The following PJA2 variants were observed in gnomAD, a reference collection of about 807,000 sequenced individuals.
The protein encoded by PJA2 is praja ring finger ubiquitin ligase 2.
PJA2 carries 25 observed loss-of-function variants against 69.3 expected under a neutral mutation model. The observed-to-expected ratio is 0.36, with a 90% confidence interval of 0.26 to 0.50. The LOEUF (loss-of-function observed/expected upper bound fraction) is 0.50. PJA2 is among the 20% of genes least tolerant of loss of function. PJA2 has a pLI of 0.96. For synonymous variants in PJA2, 308 were observed against 277.8 expected, an observed-to-expected ratio of 1.11 and a Z score of -1.08; for missense variants, 809 against 830.2, an observed-to-expected ratio of 0.97 and a Z score of 0.31.
intron 9 of PJA2, among the ~76,000 whole-genome samples, chr5:109,338,292 A>G (rs1761981912): frequency 6.6e-6 from 1 of 152,180 alleles, no homozygotes; most frequent in Non-Finnish European, 1.5e-5. Context: ...GTGTTACAGC[A>G]AAGTCTCAAG....
intron 1 of PJA2, among the ~76,000 whole-genome samples, chr5:109,404,670 G>T (rs986683805): frequency 6.6e-6 from 1 of 152,136 alleles, no homozygotes; most frequent in Non-Finnish European, 1.5e-5. Flanking sequence ...TACGGCATAA[G>T]GGGATAGGAG....
chr5:109,407,893 C>T (rs1747725750), intron 1 of PJA2, among the ~76,000 whole-genome samples: 2 of 152,032 alleles, frequency 1.3e-5, no homozygotes, highest in South Asian at 4.1e-4. Context: ...GAGAGAGACT[C>T]AATACTATAA....
chr5:109,397,835 T>A (rs577677902), intron 1 of PJA2, among the ~76,000 whole-genome samples: 1 of 152,218 alleles, frequency 6.6e-6, no homozygotes, highest in Non-Finnish European at 1.5e-5. Flanking sequence ...ACAACAACTT[T>A]AAACCACTAG....
chr5:109,382,632 G>C (rs1747077082), intron 2 of PJA2, among the ~76,000 whole-genome samples: 1 of 152,192 alleles, frequency 6.6e-6, no homozygotes. Context: ...CGGATCACTT[G>C]AGGCCAGGAG....
chr5:109,341,454 G>A (rs1315982027), intron 9 of PJA2, among the ~76,000 whole-genome samples: 34 of 129,882 alleles, frequency 2.6e-4, no homozygotes, highest in African/African-American at 7.8e-4. Context: ...CAGCTGCCCC[G>A]TCTGAGAAGT....
At chr5:109,374,289 C>T (rs914301092) in intron 4 of PJA2, among the ~76,000 whole-genome samples, 9 of 152,182 alleles carry the variant, frequency 5.9e-5, no homozygotes, top group Non-Finnish European at 1.2e-4. Context: ...TCCTTCCAAA[C>T]TTCTATGAAC....
chr5:109,367,341 C>T (rs1762601913), intron 5 of PJA2, among the ~76,000 whole-genome samples: 1 of 150,468 alleles, frequency 6.6e-6, no homozygotes, highest in Non-Finnish European at 1.5e-5. Context: ...AATGTATATG[C>T]TTTGAGAAGT....
chr5:109,397,659 C>T (rs1747446508), intron 1 of PJA2, among the ~76,000 whole-genome samples: 1 of 151,638 alleles, frequency 6.6e-6, no homozygotes, highest in African/African-American at 2.4e-5. Context: ...GCTGGGATTA[C>T]AGGCACCCGC....
intron 6 of PJA2, among the ~76,000 whole-genome samples, chr5:109,362,567 C>A (rs1407594275): frequency 6.6e-6 from 1 of 151,850 alleles, no homozygotes; most frequent in Non-Finnish European, 1.5e-5. Flanking sequence ...AAATTTTAAA[C>A]GTCAGAAATC....
At chr5:109,382,528 T>A (rs1210977514) in intron 2 of PJA2, among the ~76,000 whole-genome samples, 2 of 152,182 alleles carry the variant, frequency 1.3e-5, no homozygotes, top group African/African-American at 2.4e-5. Flanking sequence ...ACAAAATATT[T>A]TCTCACAGCA....
chr5:109,403,029 A>G (rs992531661), intron 1 of PJA2, among the ~76,000 whole-genome samples: 2 of 152,044 alleles, frequency 1.3e-5, no homozygotes, highest in African/African-American at 4.8e-5. Flanking sequence ...AAGAAATAGT[A>G]AGAAGCAGAA....
At chr5:109,352,951 T>A (rs1307726438) in intron 7 of PJA2, among the ~76,000 whole-genome samples, 10 of 113,224 alleles carry the variant, frequency 8.8e-5, no homozygotes, top group African/African-American at 2.8e-4. Flanking sequence ...AGATACCTAT[T>A]ATATCTATAG....
chr5:109,359,150 A>T (rs1287043415), intron 6 of PJA2, among the ~76,000 whole-genome samples: 3 of 152,236 alleles, frequency 2.0e-5, no homozygotes, highest in Non-Finnish European at 4.4e-5. Context: ...CACTTAATGA[A>T]GAATAAATAT....
At chr5:109,362,712 TGAA>T in intron 6 of PJA2, 125 bp downstream of exon 6, 1 of 904,500 alleles carries the variant, frequency 1.1e-6, no homozygotes, top group African/African-American at 1.7e-5. Context: ...AAATGAGCTT[TGAA>T]GAAGAGGAGG....
At chr5:109,370,032 C>CAAAA (rs1168528650) in intron 4 of PJA2, among the ~76,000 whole-genome samples, 8 of 49,018 alleles carry the variant, frequency 1.6e-4, no homozygotes, top group African/African-American at 3.6e-4. Context: ...AACTCCCTCT[C>CAAAA]AAAAAAAAAA....
intron 6 of PJA2, among the ~76,000 whole-genome samples, chr5:109,358,202 G>C (rs1762449630): frequency 6.6e-6 from 1 of 152,188 alleles, no homozygotes; most frequent in South Asian, 2.1e-4. Flanking sequence ...TGAGGGCAAG[G>C]AACACCTGGC....
At chr5:109,380,715 G>A (rs544907588) in intron 3 of PJA2, among the ~76,000 whole-genome samples, 7 of 146,560 alleles carry the variant, frequency 4.8e-5, no homozygotes, top group African/African-American at 1.8e-4. Flanking sequence ...TGAGGCAGGA[G>A]AACCACTTGA....
intron 1 of PJA2, among the ~76,000 whole-genome samples, chr5:109,397,303 G>A (rs1023769459): frequency 9.2e-5 from 14 of 152,154 alleles, no homozygotes; most frequent in African/African-American, 3.4e-4. Context: ...AAGACAGACA[G>A]CTATAACATC....
intron 7 of PJA2, among the ~76,000 whole-genome samples, chr5:109,350,876 A>G (rs1395677507): frequency 1.3e-5 from 2 of 152,164 alleles, no homozygotes; most frequent in Non-Finnish European, 1.5e-5. Context: ...TCTTAAGATA[A>G]TCAGTTTCAA....
Sources: gnomAD v4.1 joint callset for allele counts (sites outside exome capture counted in the v4.1 genomes callset) on GRCh38, gnomAD v4.1.1 for gene constraint, MANE v1.5 for transcripts, NCBI Gene and HGNC (gene_info 2026-07-23, HGNC 2026-07-21) for gene names.